The following MORN4 variants were observed in gnomAD, a reference collection of about 807,000 sequenced individuals.
MORN4 encodes MORN repeat containing 4.
In MORN4, 8 loss-of-function variants were observed where a neutral mutation model predicts 16.4. That is an observed-to-expected ratio of 0.49 (90% CI 0.29 to 0.88). The LOEUF (loss-of-function observed/expected upper bound fraction) is 0.88, where lower values mean the gene tolerates loss of function less well. Among genes scored for constraint, MORN4 ranks in the 40% least tolerant of loss-of-function variants. The pLI, the probability that MORN4 is intolerant of heterozygous loss-of-function variation, is 0.09. For missense variants in MORN4, 159 were observed against 182.9 expected, an observed-to-expected ratio of 0.87 and a Z score of 0.75; for synonymous variants, 53 against 68.9, an observed-to-expected ratio of 0.77 and a Z score of 1.14.
chr10:97,620,541 C>A lies in MORN4; in HGVS notation c.-30-858G>T, dbSNP rs941711668. On this transcript the variant is annotated intron_variant, in intron 1 of 4. Transcript: ENST00000307450. ...AAAGAAAATATGGGGAACCAACACT[C>A]AAAGGGCAAGGAACACTCTAAGGGC... Among the ~76,000 whole-genome samples, 48 of 146,482 alleles carry A rather than the reference C, an allele frequency of 3.3e-4. 1 individual carries two copies. The highest frequency in any genetic ancestry group is 1.1e-3 in the African/African-American group (45 of 39,162).
In MORN4 at chr10:97,614,999, C is replaced by T. The variant is rs953532518; in HGVS notation, c.*1264G>A. On this transcript the variant is annotated 3_prime_UTR_variant, in exon 5 of 5. Transcript: ENST00000307450. The stretch of plus-strand genomic sequence containing the variant: ...AGTGGCCTAAATATTCTACCCTTTT[C>T]CCTGGAGTTAGTCACAAATACAAGT... 1 of 152,588 alleles carries T rather than the reference C, an allele frequency of 6.6e-6. No homozygotes were observed. Among genetic ancestry groups the T allele is most frequent in the Non-Finnish European group, 1.5e-5 (1 of 68,040 alleles). The allele number at this position is 152,588 out of a possible 1,614,324, so 9.5% of individuals were successfully genotyped here.
chr10:97,623,717 A>G (rs1343141657), intron 1 of MORN4, among the ~76,000 whole-genome samples: 1 of 151,162 alleles, frequency 6.6e-6, no homozygotes, highest in African/African-American at 2.4e-5. Context: ...CCAGCTCAAA[A>G]CAAGACGGGA....
intron 2 of MORN4, among the ~76,000 whole-genome samples, chr10:97,618,614 C>G (rs1490242542): frequency 1.3e-5 from 2 of 152,094 alleles, no homozygotes; most frequent in African/African-American, 2.4e-5. Context: ...ACCACAAGAA[C>G]TCCCTTGAAT....
At position 97,616,324 on chromosome 10, in the gene MORN4, C is replaced by T. The variant is rs756965577; in HGVS notation, c.380G>A (p.Cys127Tyr). ...ENNKLLRREK[C>Y]SAIVQRAQSA... ...CTGGGCCCGCTGAACAATGGCAGAACACTTCTCACGTCGCAGCAGCTTGTT... is the reference window on the plus strand; with the variant it reads ...CTGGGCCCGCTGAACAATGGCAGAATACTTCTCACGTCGCAGCAGCTTGTT... Residue 127 changes from cysteine to tyrosine, a missense_variant, in exon 5 of 5, where the codon TGT becomes TAT. Cys to Tyr is a radical substitution (Grantham distance 194). Coordinates refer to ENST00000307450, the MANE Select transcript of MORN4 (RefSeq NM_178832.4). 3.1e-6 allele frequency: 5 copies of T among 1,613,422 alleles called. No homozygotes were observed. The highest frequency in any genetic ancestry group is 1.1e-5 in the South Asian group (1 of 90,976).
chr10:97,622,301 G>A (rs1214497944), intron 1 of MORN4, among the ~76,000 whole-genome samples: 2 of 152,156 alleles, frequency 1.3e-5, no homozygotes, highest in Non-Finnish European at 2.9e-5. Flanking sequence ...GGAACAACTG[G>A]GGGGATACAT....
At chr10:97,631,289 T>A (rs2041393505) in intron 1 of MORN4, among the ~76,000 whole-genome samples, 1 of 152,316 alleles carries the variant, frequency 6.6e-6, no homozygotes, top group East Asian at 1.9e-4. Flanking sequence ...GATTCACACT[T>A]CTAAACAGAC....
intron 1 of MORN4, among the ~76,000 whole-genome samples, chr10:97,626,428 C>A (rs1340010589): frequency 3.5e-4 from 42 of 118,734 alleles, no homozygotes; most frequent in African/African-American, 1.1e-3. Context: ...TAATCATAAT[C>A]ATAATATGTT....
intron 2 of MORN4, among the ~76,000 whole-genome samples, chr10:97,618,554 G>A (rs149497350): frequency 1.3e-5 from 2 of 151,972 alleles, no homozygotes; most frequent in South Asian, 2.1e-4. Context: ...CCTTTAATGC[G>A]GACTGTTAGA....
intron 1 of MORN4, among the ~76,000 whole-genome samples, chr10:97,630,228 C>T (rs921876150): frequency 2.6e-5 from 4 of 152,004 alleles, no homozygotes; most frequent in African/African-American, 4.8e-5. Context: ...TGCCCGGCCC[C>T]GGCTAATTTT....
chr10:97,628,843 T>C (rs1026277147), intron 1 of MORN4, among the ~76,000 whole-genome samples: 3 of 152,188 alleles, frequency 2.0e-5, no homozygotes, highest in Non-Finnish European at 4.4e-5. Flanking sequence ...CTAACCACTT[T>C]TTTAGTATGC....
intron 1 of MORN4, among the ~76,000 whole-genome samples, chr10:97,631,690 T>G (rs2041396897): frequency 6.6e-6 from 1 of 150,628 alleles, no homozygotes; most frequent in African/African-American, 2.4e-5. Context: ...TCCCAGCACG[T>G]TGGGAGGCTG....
At chr10:97,622,300 G>T (rs1291548273) in intron 1 of MORN4, among the ~76,000 whole-genome samples, 1 of 152,164 alleles carries the variant, frequency 6.6e-6, no homozygotes, top group Non-Finnish European at 1.5e-5. Flanking sequence ...AGGAACAACT[G>T]GGGGGATACA....
chr10:97,630,357 G>A (rs2041386214), intron 1 of MORN4, among the ~76,000 whole-genome samples: 2 of 152,128 alleles, frequency 1.3e-5, no homozygotes, highest in South Asian at 2.1e-4. Flanking sequence ...ATGAGCCACC[G>A]CGCCTGGCCA....
At chr10:97,623,908 T>C (rs747200752) in intron 1 of MORN4, among the ~76,000 whole-genome samples, 4 of 151,944 alleles carry the variant, frequency 2.6e-5, no homozygotes, top group Non-Finnish European at 4.4e-5. Flanking sequence ...ACTAACTTTT[T>C]GTATTTTTTA....
At chr10:97,617,877 C>CA (rs1385429100) in intron 2 of MORN4, among the ~76,000 whole-genome samples, 1 of 151,164 alleles carries the variant, frequency 6.6e-6, no homozygotes, top group Non-Finnish European at 1.5e-5. Context: ...AACAAACAAA[C>CA]AAAAAAACAA....
upstream of MORN4, chr10:97,633,698 G>T: frequency 8.4e-7 from 1 of 1,196,522 alleles, no homozygotes; most frequent in Non-Finnish European, 1.1e-6. This position sits in a 1 kb window ranked among gnomAD's most constrained non-coding sequence, Gnocchi z 4.5. Context: ...CCTACCCAGA[G>T]GCCGTCTAGT....
At chr10:97,620,958 T>C (rs1024120270) in intron 1 of MORN4, among the ~76,000 whole-genome samples, 3 of 151,898 alleles carry the variant, frequency 2.0e-5, no homozygotes, top group Non-Finnish European at 2.9e-5. Context: ...CCATCTCTAC[T>C]AAAAATACAA....
At position 97,633,216 on chromosome 10, in the gene MORN4, C is replaced by T; in HGVS notation, c.-31+131G>A. On this transcript the variant is annotated intron_variant, in intron 1 of 4. Coordinates refer to ENST00000307450, the MANE Select transcript of MORN4 (RefSeq NM_178832.4). This position sits in a 1 kb window ranked among gnomAD's most constrained non-coding sequence, Gnocchi z 4.5. Reference sequence around the variant, plus strand: ...TCAGGTTTGGGTCCCCCACAGGCAACCGCCCTCAGGTCAGCGTATCCGAGG... The same window carrying T: ...TCAGGTTTGGGTCCCCCACAGGCAATCGCCCTCAGGTCAGCGTATCCGAGG... The T allele has an allele frequency of 2.7e-6, 3 of 1,117,062 alleles. No individual in the cohort carries two copies. Among genetic ancestry groups the T allele is most frequent in the South Asian group, 1.5e-5 (1 of 67,414 alleles). The allele number at this position is 1,117,062 out of a possible 1,614,324, so 69.2% of individuals were successfully genotyped here.
At chr10:97,627,529 A>G (rs1157458309) in intron 1 of MORN4, among the ~76,000 whole-genome samples, 1 of 152,232 alleles carries the variant, frequency 6.6e-6, no homozygotes. Context: ...GCAGGGTTCA[A>G]TGACATCTTC....
Sources: allele counts gnomAD v4.1 joint callset (sites outside exome capture counted in the v4.1 genomes callset), GRCh38; gene constraint gnomAD v4.1.1; non-coding constraint Gnocchi (gnomAD v3.1); transcripts MANE v1.5; gene names NCBI Gene and HGNC (gene_info 2026-07-23, HGNC 2026-07-21).